Variants in ATRNL1 observed in about 807,000 individuals in gnomAD.
ATRNL1 encodes attractin like 1.
Under a neutral mutation model 182.7 loss-of-function variants are expected in ATRNL1, and 95 were observed. The ratio of observed to expected loss-of-function variants is 0.52; its 90% confidence interval spans 0.44 to 0.62. The LOEUF (loss-of-function observed/expected upper bound fraction) is 0.62, where lower values mean the gene tolerates loss of function less well. Among genes scored for constraint, ATRNL1 ranks in the 20% least tolerant of loss-of-function variants. The probability of loss-of-function intolerance (pLI) is 0.00; values close to 1 mark genes in which losing one functional copy is unlikely to be tolerated. For synonymous variants in ATRNL1, 576 were observed against 568.3 expected (o/e 1.01, Z -0.19); for missense variants, 1,471 against 1,679.5 (o/e 0.88, Z 2.17).
chr10:115,483,373 TATA>T (rs1314691166), intron 24 of ATRNL1, among the ~76,000 whole-genome samples: 1 of 151,524 alleles, frequency 6.6e-6, no homozygotes, highest in African/African-American at 2.4e-5. Context: ...TTTAGGAAAT[TATA>T]ATGATGTTGT....
At chr10:115,122,987 C>A (rs368300891) in intron 3 of ATRNL1, among the ~76,000 whole-genome samples, 17 of 152,080 alleles carry the variant, frequency 1.1e-4, no homozygotes, top group African/African-American at 3.9e-4. Flanking sequence ...TTTATGATAC[C>A]GTTGACTGAC....
intron 20 of ATRNL1, among the ~76,000 whole-genome samples, chr10:115,395,786 G>T (rs782015312): frequency 2.5e-4 from 38 of 151,440 alleles, no homozygotes; most frequent in Non-Finnish European, 4.4e-4. Flanking sequence ...AACTTTAAAA[G>T]GCAGCATTTT....
intron 5 of ATRNL1, among the ~76,000 whole-genome samples, chr10:115,156,740 G>T (rs1196590340): frequency 6.6e-6 from 1 of 152,058 alleles, no homozygotes; most frequent in Non-Finnish European, 1.5e-5. Flanking sequence ...ACTACCTTGA[G>T]AAATTGTCAT....
intron 27 of ATRNL1, among the ~76,000 whole-genome samples, chr10:115,816,868 G>C (rs1049370002): frequency 1.3e-5 from 2 of 152,078 alleles, no homozygotes. Context: ...GCAACAGTTG[G>C]AATAGAATCA....
At chr10:115,872,206 T>G (rs1336827631) in intron 28 of ATRNL1, among the ~76,000 whole-genome samples, 1 of 152,238 alleles carries the variant, frequency 6.6e-6, no homozygotes, top group African/African-American at 2.4e-5. Context: ...AGAATACATT[T>G]GCTTCCTAGC....
At chr10:115,403,256 TC>T (rs1161107535) in intron 20 of ATRNL1, among the ~76,000 whole-genome samples, 4 of 115,462 alleles carry the variant, frequency 3.5e-5, no homozygotes, top group Non-Finnish European at 5.8e-5. Context: ...ATTACTCTCA[TC>T]TTTTTTTTTT....
Position 115,556,379 on chromosome 10 carries a change from C to T in ATRNL1, c.3795+6843C>T, listed in dbSNP as rs191858232. Among the ~76,000 whole-genome samples the T allele has an allele frequency of 1.4e-3, 211 of 152,098 alleles. 1 individual carries two copies. Among genetic ancestry groups the T allele is most frequent in the African/African-American group, 4.6e-3 (191 of 41,512 alleles). ...TAAAGTTTTGCTACGACTTATTCAC[C>T]TTCATAGTCCAAGTTTTTAAAAATC... On this transcript the variant is annotated intron_variant, in intron 26 of 28. Coordinates refer to ENST00000355044, the MANE Select transcript of ATRNL1 (RefSeq NM_207303.4).
chr10:115,871,124 T>C (rs1951569141), intron 28 of ATRNL1, among the ~76,000 whole-genome samples: 1 of 151,880 alleles, frequency 6.6e-6, no homozygotes, highest in African/African-American at 2.4e-5. Flanking sequence ...AAAGTTTTTC[T>C]TTTTTTTATC....
At chr10:115,574,274 ATATATC>A (rs1354733535) in intron 26 of ATRNL1, among the ~76,000 whole-genome samples, 1 of 151,062 alleles carries the variant, frequency 6.6e-6, no homozygotes, top group Non-Finnish European at 1.5e-5. Context: ...ATGTACATGT[ATATATC>A]TATAACTATG....
chr10:115,592,535 C>G (rs548583160), intron 26 of ATRNL1, among the ~76,000 whole-genome samples: 274 of 152,250 alleles, frequency 1.8e-3, no homozygotes, highest in African/African-American at 6.0e-3. Context: ...CTACCTTACT[C>G]CACCCCGCTA....
At chr10:115,336,302 C>T (rs1855478763) in intron 19 of ATRNL1, among the ~76,000 whole-genome samples, 1 of 152,132 alleles carries the variant, frequency 6.6e-6, no homozygotes, top group Non-Finnish European at 1.5e-5. Context: ...GTGCTCTGTC[C>T]AGTGGATACA....
chr10:115,371,059 A>G (rs1428355972), intron 19 of ATRNL1, among the ~76,000 whole-genome samples: 3 of 152,198 alleles, frequency 2.0e-5, no homozygotes, highest in South Asian at 4.1e-4. Flanking sequence ...AGCTGTGGCA[A>G]CTTTCATGTG....
intron 27 of ATRNL1, among the ~76,000 whole-genome samples, chr10:115,808,101 T>G (rs1267160163): frequency 6.6e-6 from 1 of 152,202 alleles, no homozygotes; most frequent in Non-Finnish European, 1.5e-5. Flanking sequence ...TATTTTTCAT[T>G]AAGTAACAAT....
intron 24 of ATRNL1, among the ~76,000 whole-genome samples, chr10:115,475,772 C>T (rs951995873): frequency 4.6e-5 from 7 of 151,240 alleles, no homozygotes; most frequent in Middle Eastern, 3.2e-3. Flanking sequence ...TCACCGTCAA[C>T]GTCATTGGTA....
intron 27 of ATRNL1, among the ~76,000 whole-genome samples, chr10:115,813,236 T>TAATTA (rs1231355901): frequency 6.6e-6 from 1 of 152,050 alleles, no homozygotes; most frequent in Admixed American, 6.6e-5. Context: ...AGTATAATAA[T>TAATTA]AATTAAATTA....
chr10:115,228,082 C>A (rs1159033301), intron 9 of ATRNL1, among the ~76,000 whole-genome samples: 1 of 152,000 alleles, frequency 6.6e-6, no homozygotes, highest in Non-Finnish European at 1.5e-5. Flanking sequence ...AAATAGAAAT[C>A]TGAGTTCAAT....
At chr10:115,428,094 TTTATAG>T (rs1309386889) in intron 21 of ATRNL1, among the ~76,000 whole-genome samples, 1 of 152,056 alleles carries the variant, frequency 6.6e-6, no homozygotes, top group Non-Finnish European at 1.5e-5. Flanking sequence ...CTATTAATAT[TTTATAG>T]TTATAACTGT....
intron 26 of ATRNL1, among the ~76,000 whole-genome samples, chr10:115,604,819 A>G (rs1460785205): frequency 3.3e-5 from 5 of 152,068 alleles, no homozygotes; most frequent in Non-Finnish European, 7.4e-5. Context: ...CTAGTTATTT[A>G]TGGCGGGAGG....
chr10:115,421,923 C>T (rs1407660205), intron 20 of ATRNL1, among the ~76,000 whole-genome samples: 2 of 152,048 alleles, frequency 1.3e-5, no homozygotes, highest in Non-Finnish European at 2.9e-5. Flanking sequence ...TTCAATGAAG[C>T]TGACAAAAAC....
Sources: allele counts gnomAD v4.1 joint callset (sites outside exome capture counted in the v4.1 genomes callset), GRCh38; gene constraint gnomAD v4.1.1; transcripts MANE v1.5; gene names NCBI Gene and HGNC (gene_info 2026-07-23, HGNC 2026-07-21).